LUZP2: variants seen among roughly 807,000 people sequenced by gnomAD.
LUZP2 encodes the protein leucine zipper protein 2.
A neutral mutation model predicts 51.6 loss-of-function variants in LUZP2; 52 were observed. The observed-to-expected ratio is 1.01, with a 90% CI of 0.81 to 1.27. LUZP2 has a LOEUF of 1.27. Among genes scored for constraint, LUZP2 ranks in the 50% most tolerant of loss-of-function variants. The probability of loss-of-function intolerance (pLI) is 0.00; values close to 1 mark genes in which losing one functional copy is unlikely to be tolerated. For synonymous variants in LUZP2, 154 were observed against 137.3 expected, an observed-to-expected ratio of 1.12 and a Z score of -0.85; for missense variants, 436 against 395.4, an observed-to-expected ratio of 1.10 and a Z score of -0.87.
chr11:24,684,323 A>G lies in LUZP2; in HGVS notation c.63-44846A>G, dbSNP rs186521479. Among the ~76,000 whole-genome samples the G allele has an allele frequency of 1.0e-3, 159 of 152,272 alleles. 1 individual carries two copies. Among genetic ancestry groups the G allele is most frequent in the Admixed American group, 1.9e-3 (29 of 15,296 alleles). On this transcript the variant is annotated intron_variant, in intron 1 of 11. Coordinates refer to ENST00000336930, the MANE Select transcript of LUZP2 (RefSeq NM_001009909.4). Reference sequence around the variant, plus strand: ...TAGGCCTCTAGATGATCATTTTTCAATCCTATTTCATCTGAACTTCCCTTT... The same window carrying G: ...TAGGCCTCTAGATGATCATTTTTCAGTCCTATTTCATCTGAACTTCCCTTT...
At chr11:24,695,322 A>G (rs1390472704) in intron 1 of LUZP2, among the ~76,000 whole-genome samples, 2 of 152,180 alleles carry the variant, frequency 1.3e-5, no homozygotes, top group East Asian at 3.9e-4. Context: ...GTGATCTTTA[A>G]ATTTTGTTCA....
intron 1 of LUZP2, among the ~76,000 whole-genome samples, chr11:24,680,059 C>A (rs1024881266): frequency 6.6e-6 from 1 of 151,994 alleles, no homozygotes; most frequent in African/African-American, 2.4e-5. Flanking sequence ...AGTAGGTGAT[C>A]AATTCATACC....
At chr11:24,911,665 A>G (rs956763913) in intron 6 of LUZP2, among the ~76,000 whole-genome samples, 1 of 152,178 alleles carries the variant, frequency 6.6e-6, no homozygotes, top group African/African-American at 2.4e-5. Flanking sequence ...TATAAATTAC[A>G]CAGTCTCAGG....
intron 10 of LUZP2, among the ~76,000 whole-genome samples, chr11:25,056,021 A>G (rs1412591119): frequency 6.6e-5 from 10 of 152,176 alleles, no homozygotes; most frequent in Non-Finnish European, 1.5e-4. Flanking sequence ...AAAAACCTCA[A>G]TAAGTATTTT....
rs1299179819 is a variant in LUZP2 at position 25,079,412 on chromosome 11, T to C, written c.*754T>C. 1 of 152,116 alleles carries C rather than the reference T, an allele frequency of 6.6e-6. No individual in the cohort carries two copies. The highest frequency in any genetic ancestry group is 1.5e-5 in the Non-Finnish European group (1 of 68,000). 9.4% of individuals were successfully genotyped at this position (152,116 alleles called of 1,614,324 possible). On this transcript the variant is annotated 3_prime_UTR_variant, in exon 12 of 12. Transcript: ENST00000336930. ...CTGAAATACTTGGCAGGATTTTTGG[T>C]ATGAAGTTGGGTAGTGGAATAGGGA...
At chr11:24,944,841 A>G (rs1159966516) in intron 7 of LUZP2, among the ~76,000 whole-genome samples, 2 of 152,196 alleles carry the variant, frequency 1.3e-5, no homozygotes, top group African/African-American at 4.8e-5. Flanking sequence ...CAAGTATTAG[A>G]ATGCCTTCTG....
At chr11:24,602,273 CATAT>C (rs1565021136) in intron 1 of LUZP2, among the ~76,000 whole-genome samples, 2 of 86,434 alleles carry the variant, frequency 2.3e-5, no homozygotes, top group Admixed American at 1.2e-4. Flanking sequence ...TATGTACATA[CATAT>C]ATACACACAT....
chr11:25,033,529 G>A (rs1857762294), intron 9 of LUZP2, among the ~76,000 whole-genome samples: 1 of 152,140 alleles, frequency 6.6e-6, no homozygotes, highest in African/African-American at 2.4e-5. Context: ...CACCTGGGTA[G>A]TGAGCACAGT....
At chr11:24,683,532 G>A (rs1270343438) in intron 1 of LUZP2, among the ~76,000 whole-genome samples, 2 of 152,200 alleles carry the variant, frequency 1.3e-5, no homozygotes, top group East Asian at 1.9e-4. Context: ...TCTTAAATTT[G>A]CATAATTTAT....
intron 9 of LUZP2, among the ~76,000 whole-genome samples, chr11:25,029,085 G>A (rs943437074): frequency 1.4e-4 from 21 of 152,174 alleles, no homozygotes; most frequent in African/African-American, 4.8e-4. Context: ...AGGCTGGGAA[G>A]GGTAGTGGGG....
At chr11:24,645,409 A>C (rs1855433512) in intron 1 of LUZP2, among the ~76,000 whole-genome samples, 2 of 152,294 alleles carry the variant, frequency 1.3e-5, no homozygotes, top group South Asian at 4.1e-4. Flanking sequence ...GGTATTGAAC[A>C]TGCAGTCTTA....
At chr11:24,959,853 G>A (rs1179815751) in intron 7 of LUZP2, among the ~76,000 whole-genome samples, 2 of 152,110 alleles carry the variant, frequency 1.3e-5, no homozygotes, top group African/African-American at 4.8e-5. Context: ...AATGCTTCCA[G>A]TTTTTGCCCA....
At chr11:24,910,249 A>T (rs1441477026) in intron 6 of LUZP2, among the ~76,000 whole-genome samples, 1 of 151,398 alleles carries the variant, frequency 6.6e-6, no homozygotes, top group Non-Finnish European at 1.5e-5. Flanking sequence ...ACAATGCAAT[A>T]AAAAAAAAGA....
intron 5 of LUZP2, among the ~76,000 whole-genome samples, chr11:24,890,684 A>G (rs1431587433): frequency 6.6e-6 from 1 of 152,110 alleles, no homozygotes; most frequent in African/African-American, 2.4e-5. Flanking sequence ...TGTTTGAGAT[A>G]GTCACACAAT....
At chr11:24,926,540 T>C (rs1854272676) in intron 7 of LUZP2, among the ~76,000 whole-genome samples, 1 of 147,970 alleles carries the variant, frequency 6.8e-6, no homozygotes, top group Admixed American at 6.9e-5. Flanking sequence ...TGTGTATATA[T>C]ATACGTGTAT....
chr11:25,041,559 T>C (rs1341886769), intron 9 of LUZP2, among the ~76,000 whole-genome samples: 2 of 152,194 alleles, frequency 1.3e-5, no homozygotes, highest in African/African-American at 4.8e-5. Context: ...TTTAAAGTGC[T>C]TACCAATCAG....
At position 24,643,026 on chromosome 11, in the gene LUZP2, T is replaced by G. The variant is rs145772887; in HGVS notation, c.63-86143T>G. ...ATAAAGTAGAGTGAAGAAGAGGGTC[T>G]CTTTCAAGAGGTAGAAAAAATTGTG... On this transcript the variant is annotated intron_variant, in intron 1 of 11. Transcript: ENST00000336930. 4.7e-3 allele frequency among the ~76,000 whole-genome samples: 715 copies of G among 152,094 alleles called. 7 individuals carry two copies. Among genetic ancestry groups the G allele is most frequent in the African/African-American group, 0.016 (675 of 41,508 alleles).
chr11:24,847,164 C>T (rs530036058), intron 5 of LUZP2, among the ~76,000 whole-genome samples: 1 of 151,984 alleles, frequency 6.6e-6, no homozygotes, highest in Non-Finnish European at 1.5e-5. Flanking sequence ...GGATACATAG[C>T]TACAATAATC....
In LUZP2 at chr11:25,064,569, C is replaced by T. The variant is rs1431646486; in HGVS notation, c.859-12760C>T. Reference sequence around the variant, plus strand: ...AAACTTGAAAACTAAATTAGCATACCTACTCTATTTCATAAAATCTCATGG... The same window carrying T: ...AAACTTGAAAACTAAATTAGCATACTTACTCTATTTCATAAAATCTCATGG... On this transcript the variant is annotated intron_variant, in intron 10 of 11. Coordinates refer to ENST00000336930, the MANE Select transcript of LUZP2 (RefSeq NM_001009909.4). 2.6e-5 allele frequency among the ~76,000 whole-genome samples: 4 copies of T among 152,000 alleles called. No homozygotes were observed. In the East Asian group the frequency reaches 7.7e-4, roughly 29 times the overall value.
Sources: gnomAD v4.1 joint callset for allele counts (sites outside exome capture counted in the v4.1 genomes callset) on GRCh38, gnomAD v4.1.1 for gene constraint, MANE v1.5 for transcripts, NCBI Gene and HGNC (gene_info 2026-07-23, HGNC 2026-07-21) for gene names.